AGO3: variants seen among roughly 807,000 people sequenced by gnomAD.
The protein encoded by AGO3 is argonaute RISC catalytic component 3.
A neutral mutation model predicts 105.5 loss-of-function variants in AGO3; 16 were observed. That is an observed-to-expected ratio of 0.15 (90% CI 0.10 to 0.23). AGO3 has a LOEUF of 0.23. Among genes scored for constraint, AGO3 ranks in the 10% least tolerant of loss-of-function variants. The pLI, the probability that AGO3 is intolerant of heterozygous loss-of-function variation, is 1.00. For missense variants in AGO3, 534 were observed against 1,088.0 expected (o/e 0.49, Z 7.16); for synonymous variants, 340 against 367.3 (o/e 0.93, Z 0.85).
chr1:35,991,602 T>A (rs1350806539), intron 5 of AGO3, among the ~76,000 whole-genome samples: 1 of 150,292 alleles, frequency 6.7e-6, no homozygotes, highest in South Asian at 2.1e-4. Flanking sequence ...TCAACAAACT[T>A]AAAATGATAG....
rs1489004355 is a variant in AGO3 at position 36,012,332 on chromosome 1, AAAAAG to A, written c.1150-1287_1150-1283del. ...AGCGAGACCCTGTCTCAAAAAAAAAAAAAAGAAAAGAAAAGGAAAAAGAAAAGAAA... is the reference window on the plus strand; with the variant it reads ...AGCGAGACCCTGTCTCAAAAAAAAAAAAAAGAAAAGGAAAAAGAAAAGAAA... On this transcript the variant is annotated intron_variant, in intron 9 of 18. Coordinates refer to ENST00000373191, the MANE Select transcript of AGO3 (RefSeq NM_024852.4). 6.6e-5 allele frequency among the ~76,000 whole-genome samples: 10 copies of A among 152,000 alleles called. No individual in the cohort carries two copies. The East Asian group carries it at 7.7e-4, about 12-fold the overall frequency.
chr1:35,963,032 G>A lies in AGO3; in HGVS notation c.192-3923G>A, dbSNP rs1047021976. Among the ~76,000 whole-genome samples the A allele has an allele frequency of 5.9e-5, 9 of 152,324 alleles. No individual in the cohort carries two copies. The Middle Eastern group carries it at 0.01, about 173-fold the overall frequency. On this transcript the variant is annotated intron_variant, in intron 2 of 18. Coordinates refer to ENST00000373191, the MANE Select transcript of AGO3 (RefSeq NM_024852.4). ...CATATTGGCTGGACGCAGGGAAATA[G>A]GAGCCTCAAGGAGTGCAGGTTAGTG...
chr1:36,027,739 G>C lies in AGO3; in HGVS notation c.1591+441G>C, dbSNP rs1314905174. Among the ~76,000 whole-genome samples the C allele has an allele frequency of 6.6e-6, 1 of 151,216 alleles. No individual in the cohort carries two copies. The highest frequency in any genetic ancestry group is 2.4e-5 in the African/African-American group (1 of 41,114). On this transcript the variant is annotated intron_variant, in intron 12 of 18. Transcript: ENST00000373191. This position sits in a 1 kb window ranked among gnomAD's most constrained non-coding sequence, Gnocchi z 4.0. Reference sequence around the variant, plus strand: ...GCTTGCAGTGAGCCGAGATCGCACCGGTGCACTCCAGCCTGGGCGACAGAG... The same window carrying C: ...GCTTGCAGTGAGCCGAGATCGCACCCGTGCACTCCAGCCTGGGCGACAGAG...
At chr1:36,024,015 C>A (rs573219490) in intron 11 of AGO3, among the ~76,000 whole-genome samples, 23 of 152,262 alleles carry the variant, frequency 1.5e-4, no homozygotes, top group Admixed American at 1.5e-3. Flanking sequence ...CATTCTCTCC[C>A]CTCCCTTGAA....
chr1:36,050,523 A>G (rs1227840492), intron 17 of AGO3, among the ~76,000 whole-genome samples: 1 of 148,398 alleles, frequency 6.7e-6, no homozygotes, highest in African/African-American at 2.5e-5. Context: ...CGGGTGTGGT[A>G]GCTCACGCCT....
rs916955282 is a variant in AGO3 at position 36,027,922 on chromosome 1, A to G, written c.1591+624A>G. Among the ~76,000 whole-genome samples the G allele has an allele frequency of 5.3e-5, 8 of 152,222 alleles. No individual in the cohort carries two copies. The highest frequency in any genetic ancestry group is 1.9e-4 in the African/African-American group (8 of 41,454). On this transcript the variant is annotated intron_variant, in intron 12 of 18. Transcript: ENST00000373191. The surrounding 1 kb of genome is among the most constrained non-coding windows in gnomAD (Gnocchi z 4.0). The stretch of plus-strand genomic sequence containing the variant: ...TTAAAAGCACAGGCTATCAAATTAA[A>G]CTGTGTTGCTCAATATTCAGGTACT...
In AGO3 at chr1:36,062,917, G is replaced by C. The variant is rs1448134442; in HGVS notation, c.*7172G>C. On this transcript the variant is annotated 3_prime_UTR_variant, in exon 19 of 19. Coordinates refer to ENST00000373191, the MANE Select transcript of AGO3 (RefSeq NM_024852.4). ...TATAATGTCTTAATAGCAATTATGAGTTTATTTTTGTTAAGATTAATTTTT... is the reference window on the plus strand; with the variant it reads ...TATAATGTCTTAATAGCAATTATGACTTTATTTTTGTTAAGATTAATTTTT... 1 of 152,004 alleles carries C rather than the reference G, an allele frequency of 6.6e-6. No individual in the cohort carries two copies. The highest frequency in any genetic ancestry group is 3.2e-3 in the Middle Eastern group (1 of 316). The allele number at this position is 152,004 out of a possible 1,614,324, so 9.4% of individuals were successfully genotyped here.
intron 1 of AGO3, among the ~76,000 whole-genome samples, chr1:35,938,130 G>A (rs967577330): frequency 6.6e-6 from 1 of 151,670 alleles, no homozygotes; most frequent in Non-Finnish European, 1.5e-5. Flanking sequence ...ACAGGTGCCC[G>A]CCACCACGTC....
intron 17 of AGO3, among the ~76,000 whole-genome samples, chr1:36,052,305 C>G (rs1642747283): frequency 6.6e-6 from 1 of 151,790 alleles, no homozygotes; most frequent in Non-Finnish European, 1.5e-5. Context: ...TGAAATAAAC[C>G]AACCACAGAG....
chr1:35,971,932 T>C lies in AGO3; in HGVS notation c.313-92T>C, dbSNP rs1646877863. On this transcript the variant is annotated intron_variant, in intron 3 of 18. Coordinates refer to ENST00000373191, the MANE Select transcript of AGO3 (RefSeq NM_024852.4). ...TAGTCTATTGACTTTATTTTTGCCA[T>C]GTTTTCTCTTAGATATTTTTATAAG... 3 of 1,232,048 alleles carry C rather than the reference T, an allele frequency of 2.4e-6. No homozygotes were observed. The South Asian group carries it at 4.3e-5, about 18-fold the overall frequency. 76.3% of individuals were successfully genotyped at this position (1,232,048 alleles called of 1,614,324 possible).
At chr1:36,032,622 AATCCGCCTCAGCC>A (rs1284927017) in intron 12 of AGO3, among the ~76,000 whole-genome samples, 7 of 152,254 alleles carry the variant, frequency 4.6e-5, no homozygotes, top group South Asian at 2.1e-4. Flanking sequence ...GGGCTCAAGC[AATCCGCCTCAGCC>A]TACCAAAGTG....
chr1:35,961,379 T>A (rs185873438), intron 2 of AGO3, among the ~76,000 whole-genome samples: 1 of 152,336 alleles, frequency 6.6e-6, no homozygotes, highest in African/African-American at 2.4e-5. Context: ...CTAGCAAAGA[T>A]GAACTCAGGT....
At chr1:36,010,587 G>C (rs1020741561) in intron 9 of AGO3, among the ~76,000 whole-genome samples, 1 of 148,724 alleles carries the variant, frequency 6.7e-6, no homozygotes, top group African/African-American at 2.5e-5. Flanking sequence ...GGACAACAGA[G>C]TGAGACTCTG....
At chr1:36,017,771 T>C (rs962671806) in intron 11 of AGO3, among the ~76,000 whole-genome samples, 6 of 151,780 alleles carry the variant, frequency 4.0e-5, no homozygotes, top group African/African-American at 1.5e-4. Context: ...AGCACAGTGG[T>C]GCACGCCTGT....
intron 2 of AGO3, among the ~76,000 whole-genome samples, chr1:35,960,210 G>A (rs546918839): frequency 6.6e-6 from 1 of 152,064 alleles, no homozygotes; most frequent in African/African-American, 2.4e-5. Context: ...TCTAAAGAGT[G>A]TTTTTTCTCT....
chr1:35,957,251 G>C (rs983729141), intron 2 of AGO3, among the ~76,000 whole-genome samples: 3 of 151,866 alleles, frequency 2.0e-5, no homozygotes, highest in Non-Finnish European at 4.4e-5. Flanking sequence ...GATTACTTGG[G>C]AGGCTGAGGT....
At chr1:36,051,907 T>C (rs1460632478) in intron 17 of AGO3, among the ~76,000 whole-genome samples, 1 of 152,194 alleles carries the variant, frequency 6.6e-6, no homozygotes, top group Non-Finnish European at 1.5e-5. Flanking sequence ...CAAATTAATA[T>C]AGTCATTATC....
intron 16 of AGO3, 34 bp downstream of exon 16, chr1:36,040,475 C>T (rs1642197632): frequency 6.2e-7 from 1 of 1,609,528 alleles, no homozygotes; most frequent in South Asian, 1.1e-5. Flanking sequence ...CTGTTATAAA[C>T]CAAGCTTATC....
intron 2 of AGO3, among the ~76,000 whole-genome samples, chr1:35,958,516 C>T (rs1248776461): frequency 6.6e-6 from 1 of 152,028 alleles, no homozygotes; most frequent in African/African-American, 2.4e-5. Context: ...CAAAAATTAG[C>T]TGGGCATGGT....
Sources: gnomAD v4.1 joint callset for allele counts (sites outside exome capture counted in the v4.1 genomes callset) on GRCh38, gnomAD v4.1.1 for gene constraint, Gnocchi (gnomAD v3.1) non-coding constraint, MANE v1.5 for transcripts, NCBI Gene and HGNC (gene_info 2026-07-23, HGNC 2026-07-21) for gene names.